EXD1: variants seen among roughly 807,000 people sequenced by gnomAD.
EXD1 encodes piRNA biogenesis protein EXD1.
In EXD1, 63 loss-of-function variants were observed where a neutral mutation model predicts 49.1. That is an observed-to-expected ratio of 1.28 (90% CI 1.05 to 1.58). The LOEUF (loss-of-function observed/expected upper bound fraction) is 1.58, where lower values mean the gene tolerates loss of function less well. Among genes scored for constraint, EXD1 ranks in the 40% most tolerant of loss-of-function variants. EXD1 has a pLI of 0.00. For synonymous variants in EXD1, 234 were observed against 239.2 expected (o/e 0.98, Z 0.20); for missense variants, 748 against 666.0 (o/e 1.12, Z -1.36).
chr15:41,230,622 A>AAG lies in EXD1; in HGVS notation c.-199_-198dup. The AAG allele has an allele frequency of 1.3e-6, 2 of 1,510,404 alleles. No homozygotes were observed. The allele number at this position is 1,510,404 out of a possible 1,614,324, so 93.6% of individuals were successfully genotyped here. On this transcript the variant is annotated 5_prime_UTR_variant, in exon 1 of 12. Coordinates refer to ENST00000458580, the MANE Select transcript of EXD1 (RefSeq NM_001286441.2). ...AAAAGAAGAGGGGCTGCAATGAAGGAAGAAGTCTCGGGACGCTCCACGCCA... is the reference window on the plus strand; with the variant it reads ...AAAAGAAGAGGGGCTGCAATGAAGGAAGAGAAGTCTCGGGACGCTCCACGCCA...
At chr15:41,202,057 C>T (rs1467921987) in intron 7 of EXD1, among the ~76,000 whole-genome samples, 2 of 151,944 alleles carry the variant, frequency 1.3e-5, no homozygotes, top group Non-Finnish European at 2.9e-5. Flanking sequence ...AGGCATATGA[C>T]AGTGTGATGC....
At chr15:41,205,497 G>A (rs1191052387) in intron 7 of EXD1, among the ~76,000 whole-genome samples, 1 of 152,214 alleles carries the variant, frequency 6.6e-6, no homozygotes, top group African/African-American at 2.4e-5. Context: ...AACAAAGTTG[G>A]TTGGGTGCAG....
At chr15:41,192,458 G>A (rs1285714998) in intron 9 of EXD1, among the ~76,000 whole-genome samples, 1 of 151,776 alleles carries the variant, frequency 6.6e-6, no homozygotes, top group African/African-American at 2.4e-5. Flanking sequence ...CACCATGCCT[G>A]GCTAATTTTC....
intron 1 of EXD1, among the ~76,000 whole-genome samples, chr15:41,227,144 C>T (rs1363124987): frequency 6.6e-6 from 1 of 152,044 alleles, no homozygotes; most frequent in East Asian, 1.9e-4. Flanking sequence ...TAAATTTACC[C>T]TTTACTTAGG....
chr15:41,195,663 C>A (rs1407783919), intron 9 of EXD1, 112 bp downstream of exon 9: 17 of 551,600 alleles, frequency 3.1e-5, no homozygotes, highest in African/African-American at 1.2e-4. Flanking sequence ...AATGGAGCAC[C>A]AAAAAAAAAA....
Position 41,183,793 on chromosome 15 carries a change from G to A in EXD1, c.*138C>T. The A allele has an allele frequency of 2.7e-6, 2 of 730,128 alleles. No homozygotes were observed. The highest frequency in any genetic ancestry group is 4.4e-6 in the Non-Finnish European group (2 of 459,426). 45.2% of individuals were successfully genotyped at this position (730,128 alleles called of 1,614,324 possible). The stretch of plus-strand genomic sequence containing the variant: ...TTCTCCGCATACCAGGAACACAGGA[G>A]TAAGCAAGAGGATATAATTTTCCCC... On this transcript the variant is annotated 3_prime_UTR_variant, in exon 12 of 12. Transcript: ENST00000458580.
chr15:41,207,431 G>A (rs1418666700), intron 7 of EXD1, among the ~76,000 whole-genome samples: 1 of 151,836 alleles, frequency 6.6e-6, no homozygotes, highest in Admixed American at 6.6e-5. Flanking sequence ...TCGGCTACTC[G>A]GGAGAGGCTG....
At chr15:41,192,960 C>A (rs2046552027) in intron 9 of EXD1, among the ~76,000 whole-genome samples, 1 of 151,876 alleles carries the variant, frequency 6.6e-6, no homozygotes, top group Admixed American at 6.6e-5. Flanking sequence ...CCACGCCCAG[C>A]TAATTTTTTG....
Position 41,195,783 on chromosome 15 carries a change from CAA to C in EXD1, c.710_711del (p.Phe237Ter). On this transcript the variant is annotated frameshift_variant, in exon 9 of 12. Coordinates refer to ENST00000458580, the MANE Select transcript of EXD1 (RefSeq NM_001286441.2). LOFTEE classifies it high-confidence loss of function. ...HQYGILLNNV[F>X]DTQVADVLQF... ...TGCTTCCCTTCATGTACCTGTGTGTCAAAGACATTATTCAGCAAAATTCCATA... is the reference window on the plus strand; with the variant it reads ...TGCTTCCCTTCATGTACCTGTGTGTCAGACATTATTCAGCAAAATTCCATA... 6.2e-7 allele frequency: 1 copy of C among 1,612,556 alleles called. No individual in the cohort carries two copies. Among genetic ancestry groups the C allele is most frequent in the East Asian group, 2.2e-5 (1 of 44,842 alleles).
chr15:41,209,869 T>G (rs2046895095), intron 6 of EXD1, among the ~76,000 whole-genome samples: 1 of 152,164 alleles, frequency 6.6e-6, no homozygotes, highest in Admixed American at 6.6e-5. Context: ...TCAGACACCT[T>G]TTGTTACCAC....
At chr15:41,229,532 G>A (rs2047207173) in intron 1 of EXD1, among the ~76,000 whole-genome samples, 1 of 152,110 alleles carries the variant, frequency 6.6e-6, no homozygotes, top group African/African-American at 2.4e-5. Context: ...ACTTTGGGAG[G>A]CTGAAGCGGG....
At chr15:41,200,726 C>T (rs968009188) in intron 7 of EXD1, among the ~76,000 whole-genome samples, 1 of 152,032 alleles carries the variant, frequency 6.6e-6, no homozygotes, top group Non-Finnish European at 1.5e-5. Context: ...ACTGAGCCCT[C>T]AATCTGTGGG....
At chr15:41,186,372 T>C (rs1285672222) in intron 11 of EXD1, among the ~76,000 whole-genome samples, 3 of 146,124 alleles carry the variant, frequency 2.1e-5, no homozygotes, top group African/African-American at 7.5e-5. Context: ...CTCAGGAGGC[T>C]GAGGGAGGAG....
intron 11 of EXD1, 65 bp from the exon 12 acceptor site, chr15:41,184,658 C>CTTTTTTT: frequency 1.6e-6 from 2 of 1,259,976 alleles, no homozygotes; most frequent in Non-Finnish European, 1.0e-6. Flanking sequence ...CTTAAAATCA[C>CTTTTTTT]TTTTTTTTTT....
intron 5 of EXD1, among the ~76,000 whole-genome samples, chr15:41,216,461 G>A (rs1203616829): frequency 2.6e-5 from 4 of 151,934 alleles, no homozygotes; most frequent in Non-Finnish European, 2.9e-5. Context: ...GAGAAACCCC[G>A]TCTCTACTAA....
At position 41,209,563 on chromosome 15, in the gene EXD1, C is replaced by T. The variant is rs188833350; in HGVS notation, c.472G>A (p.Val158Ile). Residue 158 changes from valine (V) to isoleucine (I), a missense_variant, in exon 7 of 12, where the codon GTC (valine) becomes ATC (isoleucine). Val to Ile is a conservative substitution (Grantham distance 29, BLOSUM62 3). Transcript: ENST00000458580. ...GCTCCTTCTGCTGCCACACTCAGGA[C>T]ATTCTGCTTCTTGATATGGAGTATC... Reference protein sequence around the residue: ...AAILHIKKQNVLSVAAEGANV... With the variant: ...AAILHIKKQNILSVAAEGANV... 5.6e-6 allele frequency: 9 copies of T among 1,614,156 alleles called. No homozygotes were observed. In the Admixed American group the frequency reaches 1.3e-4, roughly 24 times the overall value.
chr15:41,193,404 C>T lies in EXD1; in HGVS notation c.721-1819G>A, dbSNP rs79824384. On this transcript the variant is annotated intron_variant, in intron 9 of 11. Coordinates refer to ENST00000458580, the MANE Select transcript of EXD1 (RefSeq NM_001286441.2). Reference sequence around the variant, plus strand: ...GCAGGATCTCCTGAGCTCAGGAGTTCGATGCCAGCATGGGCAACATAGTGA... The same window carrying T: ...GCAGGATCTCCTGAGCTCAGGAGTTTGATGCCAGCATGGGCAACATAGTGA... 3.2e-3 allele frequency among the ~76,000 whole-genome samples: 485 copies of T among 152,034 alleles called. 5 individuals carry two copies. The highest frequency in any genetic ancestry group is 0.011 in the African/African-American group (460 of 41,478).
intron 11 of EXD1, among the ~76,000 whole-genome samples, chr15:41,189,101 C>G (rs2046463626): frequency 1.3e-5 from 2 of 151,978 alleles, no homozygotes; most frequent in Non-Finnish European, 2.9e-5. Flanking sequence ...AGCACGGTGG[C>G]TTATGCCTAT....
Position 41,191,551 on chromosome 15 carries a change from C to T in EXD1, c.755G>A (p.Gly252Asp), listed in dbSNP as rs756099101. Residue 252 changes from glycine (G) to aspartate (D), a missense_variant, in exon 10 of 12, where the codon GGT (glycine) becomes GAT (aspartate). Gly to Asp is a moderately conservative substitution (Grantham distance 94, BLOSUM62 -1). Coordinates refer to ENST00000458580, the MANE Select transcript of EXD1 (RefSeq NM_001286441.2). ...ADVLQFSMET[G>D]GYLPNCITTL... ...AGTGATGCAGTTTGGAAGATAGCCACCCGTTTCCATGGAAAACTGAAGTAC... is the reference window on the plus strand; with the variant it reads ...AGTGATGCAGTTTGGAAGATAGCCATCCGTTTCCATGGAAAACTGAAGTAC... 9 of 1,613,916 alleles carry T rather than the reference C, an allele frequency of 5.6e-6. No homozygotes were observed. Among genetic ancestry groups the T allele is most frequent in the South Asian group, 5.5e-5 (5 of 91,068 alleles).
Sources: allele counts gnomAD v4.1 joint callset (sites outside exome capture counted in the v4.1 genomes callset), GRCh38; gene constraint gnomAD v4.1.1; transcripts MANE v1.5; gene names NCBI Gene and HGNC (gene_info 2026-07-23, HGNC 2026-07-21).